The following CIDEC variants were observed in gnomAD, a reference collection of about 807,000 sequenced individuals.
CIDEC encodes cell death inducing DFFA like effector c.
A neutral mutation model predicts 21.9 loss-of-function variants in CIDEC; 11 were observed. The ratio of observed to expected loss-of-function variants is 0.50; its 90% CI spans 0.32 to 0.83. The LOEUF is 0.83. Ranked by LOEUF, CIDEC falls within the 40% of genes least tolerant of loss-of-function variation. The probability of loss-of-function intolerance (pLI) is 0.04; values close to 1 mark genes in which losing one functional copy is unlikely to be tolerated. For missense variants in CIDEC, 302 were observed against 302.3 expected, an observed-to-expected ratio of 1.00 and a Z score of 0.01; for synonymous variants, 127 against 124.9, an observed-to-expected ratio of 1.02 and a Z score of -0.11.
At chr3:9,872,489 G>A (rs1159290555) in intron 4 of CIDEC, among the ~76,000 whole-genome samples, 1 of 152,102 alleles carries the variant, frequency 6.6e-6, no homozygotes, top group Admixed American at 6.6e-5. Flanking sequence ...ATCTTTTCAT[G>A]GGTTTATTGG....
chr3:9,875,267 C>T (rs571058671), intron 4 of CIDEC, among the ~76,000 whole-genome samples: 9 of 151,686 alleles, frequency 5.9e-5, no homozygotes, highest in African/African-American at 1.7e-4. Context: ...GTCCCAGCTA[C>T]TCAGGAGGCT....
At chr3:9,870,556 T>C in intron 4 of CIDEC, 1 of 1,287,208 alleles carries the variant, frequency 7.8e-7, no homozygotes, top group Admixed American at 2.0e-5. Context: ...CTCTAAAAGT[T>C]ACCCTCTAAA....
Position 9,867,225 on chromosome 3 carries a change from A to G in CIDEC, c.626T>C (p.Leu209Pro). 1 of 1,614,138 alleles carries G rather than the reference A, an allele frequency of 6.2e-7. No homozygotes were observed. The highest frequency in any genetic ancestry group is 1.1e-5 in the South Asian group (1 of 91,082). Residue 209 changes from leucine to proline, a missense_variant, in exon 7 of 7, where the codon CTG becomes CCG. Transcript: ENST00000336832. ...GHVLLGTSCYLQQLLDATEEG... is the reference protein window; with the variant it reads ...GHVLLGTSCYPQQLLDATEEG... Reference sequence around the variant, plus strand: ...CTCCGTAGCATCGAGGAGCTGCTGCAGGTAACAGGAGGTGCCAAGCAGTAC... The same window carrying G: ...CTCCGTAGCATCGAGGAGCTGCTGCGGGTAACAGGAGGTGCCAAGCAGTAC...
chr3:9,867,476 C>T (rs2082288741), intron 6 of CIDEC, among the ~76,000 whole-genome samples, 180 bp from the exon 7 acceptor site: 1 of 152,020 alleles, frequency 6.6e-6, no homozygotes, highest in South Asian at 2.1e-4. Context: ...AAAAACTAGG[C>T]AGGCATAGTG....
chr3:9,877,088 C>G lies in CIDEC; in HGVS notation c.185G>C (p.Ser62Thr). 6.4e-7 allele frequency: 1 copy of G among 1,553,384 alleles called. No individual in the cohort carries two copies. Among genetic ancestry groups the G allele is most frequent in the African/African-American group, 1.4e-5 (1 of 73,332 alleles). Residue 62 changes from serine (S) to threonine (T), a missense_variant, in exon 4 of 7, where the codon AGT becomes ACT. Physicochemically the swap from Ser to Thr is moderately conservative, Grantham distance 58 (BLOSUM62 1). Coordinates refer to ENST00000336832, the MANE Select transcript of CIDEC (RefSeq NM_001321142.2). ...CACCTTGAGGAGGAGGTCCTCAAGA[C>G]TGTAAGCCATGATGCCCTTCCTCAC... ...RSVRKGIMAY[S>T]LEDLLLKVRD... is the part of the protein sequence containing the mutation.
chr3:9,875,355 C>T (rs1229357737), intron 4 of CIDEC, among the ~76,000 whole-genome samples: 15 of 130,054 alleles, frequency 1.2e-4, no homozygotes, highest in Admixed American at 2.9e-4. Context: ...CCAGCGTGGG[C>T]GACAAAGCGA....
chr3:9,873,078 TG>T, intron 4 of CIDEC, among the ~76,000 whole-genome samples: 1 of 152,220 alleles, frequency 6.6e-6, no homozygotes. Context: ...TGTTTTGGTT[TG>T]TTTTGGTTTT....
chr3:9,874,550 A>ATAG (rs2082394417), intron 4 of CIDEC, among the ~76,000 whole-genome samples: 1 of 120,608 alleles, frequency 8.3e-6, no homozygotes, highest in South Asian at 2.6e-4. Flanking sequence ...AATAATAATA[A>ATAG]TAATAAGTGA....
intron 4 of CIDEC, among the ~76,000 whole-genome samples, chr3:9,871,778 G>C (rs2082351665): frequency 6.6e-6 from 1 of 151,890 alleles, no homozygotes; most frequent in Non-Finnish European, 1.5e-5. Context: ...TTACAGACAT[G>C]TGCCACCACA....
intron 4 of CIDEC, among the ~76,000 whole-genome samples, chr3:9,870,718 C>G (rs1318403512): frequency 6.6e-6 from 1 of 152,172 alleles, no homozygotes; most frequent in East Asian, 1.9e-4. Context: ...TAGCTCATTG[C>G]AGCCTCCAAC....
intron 4 of CIDEC, among the ~76,000 whole-genome samples, chr3:9,870,657 A>G (rs1476297844): frequency 6.6e-6 from 1 of 152,224 alleles, no homozygotes; most frequent in Non-Finnish European, 1.5e-5. Flanking sequence ...GCTGGAATGC[A>G]GTAATCATAA....
chr3:9,879,633 T>C (rs2082477923), intron 1 of CIDEC, among the ~76,000 whole-genome samples: 1 of 152,206 alleles, frequency 6.6e-6, no homozygotes, highest in Non-Finnish European at 1.5e-5. Flanking sequence ...GCTCCAACTC[T>C]TGAAGGGCCC....
chr3:9,872,655 GGCT>G (rs1310112880), intron 4 of CIDEC, among the ~76,000 whole-genome samples: 236 of 152,068 alleles, frequency 1.6e-3, no homozygotes, highest in Middle Eastern at 6.8e-3. Context: ...CCATTTTGTG[GGCT>G]GTGTTTTTTA....
chr3:9,876,211 C>T (rs983125633), intron 4 of CIDEC, among the ~76,000 whole-genome samples: 2 of 152,198 alleles, frequency 1.3e-5, no homozygotes, highest in African/African-American at 4.8e-5. Context: ...TGGTGGCTGA[C>T]GCCTATAATC....
chr3:9,879,298 C>T (rs980190459), intron 1 of CIDEC, among the ~76,000 whole-genome samples: 1 of 151,790 alleles, frequency 6.6e-6, no homozygotes. Flanking sequence ...ATTACAGGCA[C>T]CTGCCACCAC....
downstream of CIDEC, chr3:9,866,712 C>T (rs1044633625): frequency 2.7e-6 from 1 of 365,060 alleles, no homozygotes; most frequent in African/African-American, 2.0e-5. Context: ...AAAGAAGATA[C>T]ATCAGCCTCA....
chr3:9,878,341 C>A, intron 3 of CIDEC, 93 bp downstream of exon 3: 3 of 957,666 alleles, frequency 3.1e-6, no homozygotes, highest in South Asian at 2.6e-5. Context: ...TGAACAAGGT[C>A]CCCTGTGACC....
Position 9,874,950 on chromosome 3 carries a change from CT to C in CIDEC, c.207+2115del, listed in dbSNP as rs111784610. Reference sequence around the variant, plus strand: ...GTCTCACCATGTTGCCCAGGCTGGTCTTGAACTCCTGGGCTCAAGGACTCCT... The same window carrying C: ...GTCTCACCATGTTGCCCAGGCTGGTCTGAACTCCTGGGCTCAAGGACTCCT... On this transcript the variant is annotated intron_variant, in intron 4 of 6. Transcript: ENST00000336832. Among the ~76,000 whole-genome samples the C allele has an allele frequency of 2.3e-3, 349 of 152,220 alleles. 1 individual carries two copies. The highest frequency in any genetic ancestry group is 8.2e-3 in the African/African-American group (342 of 41,530).
intron 4 of CIDEC, among the ~76,000 whole-genome samples, chr3:9,872,093 G>T (rs757217804): frequency 2.0e-5 from 3 of 151,944 alleles, no homozygotes; most frequent in Non-Finnish European, 4.4e-5. Context: ...GATTACAGAC[G>T]TGAGGCACAA....
Sources: allele counts gnomAD v4.1 joint callset (sites outside exome capture counted in the v4.1 genomes callset), GRCh38; gene constraint gnomAD v4.1.1; transcripts MANE v1.5; gene names NCBI Gene and HGNC (gene_info 2026-07-23, HGNC 2026-07-21).